Variants in IHO1 observed in about 807,000 individuals in gnomAD.
IHO1 encodes interactor of HORMAD1 1.
Under a neutral mutation model 31.0 loss-of-function variants are expected in IHO1, and 13 were observed. That is an observed-to-expected ratio of 0.42 (90% CI 0.27 to 0.67). The LOEUF is 0.67. Among genes scored for constraint, IHO1 ranks in the 30% least tolerant of loss-of-function variants. The pLI, the probability that IHO1 is intolerant of heterozygous loss-of-function variation, is 0.24. For missense variants in IHO1, 599 were observed against 687.5 expected (o/e 0.87, Z 1.44); for synonymous variants, 221 against 248.4 (o/e 0.89, Z 1.04).
At chr3:49,201,639 G>A (rs534870791) in intron 1 of IHO1, among the ~76,000 whole-genome samples, 1 of 151,868 alleles carries the variant, frequency 6.6e-6, no homozygotes, top group South Asian at 2.1e-4. Context: ...AATTGGGCTG[G>A]GTGTGGTGGC....
At chr3:49,228,277 C>T (rs979374682) in intron 2 of IHO1, 18 of 446,958 alleles carry the variant, frequency 4.0e-5, no homozygotes, top group South Asian at 6.4e-5. Context: ...TATCTCAGCC[C>T]GGAAGTACAG....
At chr3:49,191,626 G>T in the IHO1 span, 3 of 1,118,984 alleles carry the variant, frequency 2.7e-6, no homozygotes, top group East Asian at 2.3e-5. Flanking sequence ...GGCGGCTCAG[G>T]GTCCTATTCC....
chr3:49,230,341 C>T (rs116352796), intron 2 of IHO1, among the ~76,000 whole-genome samples: 2,986 of 152,226 alleles, frequency 0.02, 38 homozygotes, highest in Non-Finnish European at 0.029. Context: ...GCTATGATTC[C>T]GAAAAACTGG....
At chr3:49,223,494 A>G (rs951926423) in intron 2 of IHO1, among the ~76,000 whole-genome samples, 4 of 152,130 alleles carry the variant, frequency 2.6e-5, no homozygotes, top group Non-Finnish European at 5.9e-5. Flanking sequence ...GATTGAGACC[A>G]TCCTGGCTAA....
At chr3:49,226,797 A>G (rs1178016908) in intron 2 of IHO1, among the ~76,000 whole-genome samples, 1 of 152,190 alleles carries the variant, frequency 6.6e-6, no homozygotes, top group Non-Finnish European at 1.5e-5. Context: ...TAGGACATCT[A>G]TATACCTATC....
At chr3:49,197,763 A>C (rs2046008481), upstream of IHO1, among the ~76,000 whole-genome samples, 1 of 151,896 alleles carries the variant, frequency 6.6e-6, no homozygotes, top group African/African-American at 2.4e-5. Flanking sequence ...AATCCCAGCT[A>C]CTTGGGAGGC....
chr3:49,211,520 C>A (rs1015440197), intron 1 of IHO1, among the ~76,000 whole-genome samples: 2 of 151,254 alleles, frequency 1.3e-5, no homozygotes, highest in South Asian at 2.1e-4. Flanking sequence ...CTTGTAATCC[C>A]AGCTACTCAG....
chr3:49,236,396 T>G, intron 2 of IHO1, 152 bp from the exon 3 acceptor site: 1 of 552,136 alleles, frequency 1.8e-6, no homozygotes, highest in Non-Finnish European at 3.2e-6. Context: ...AATTTCCTTG[T>G]GTTTCATTGT....
chr3:49,256,412 A>C lies in IHO1; in HGVS notation c.915A>C (p.Ala305=). 2 of 1,614,164 alleles carry C rather than the reference A, an allele frequency of 1.2e-6. No individual in the cohort carries two copies. Among genetic ancestry groups the C allele is most frequent in the Non-Finnish European group, 1.7e-6 (2 of 1,180,038 alleles). Residue 305 remains alanine, a synonymous_variant, in exon 8 of 8, where the codon GCA becomes GCC. Transcript: ENST00000452691. The surrounding 1 kb of genome is among the most constrained non-coding windows in gnomAD (Gnocchi z 4.6). ...VLWQAQALPA[A]WNPGMGSLQP... is the part of the protein sequence containing the mutation. ...GGCAGGCCCAGGCCCTCCCTGCTGC[A>C]TGGAATCCTGGTATGGGCTCCCTAC...
upstream of IHO1, among the ~76,000 whole-genome samples, chr3:49,195,916 C>T (rs1320708248): frequency 1.3e-5 from 2 of 149,296 alleles, no homozygotes; most frequent in African/African-American, 2.5e-5. Context: ...CTGGCTAACA[C>T]AGTGAAACCC....
chr3:49,209,645 AAGGCTTGTAT>A (rs2046183305), intron 1 of IHO1, among the ~76,000 whole-genome samples: 1 of 152,176 alleles, frequency 6.6e-6, no homozygotes, highest in Admixed American at 6.5e-5. Flanking sequence ...AAAAAAAAAA[AAGGCTTGTAT>A]TTCTAATTCC....
chr3:49,235,449 C>T (rs961498060), intron 2 of IHO1, among the ~76,000 whole-genome samples: 3 of 149,872 alleles, frequency 2.0e-5, no homozygotes, highest in East Asian at 2.1e-4. Context: ...AGGATGGTCT[C>T]GATCTCCTGA....
intron 2 of IHO1, among the ~76,000 whole-genome samples, chr3:49,227,224 G>T (rs191054017): frequency 6.6e-6 from 1 of 152,094 alleles, no homozygotes; most frequent in Admixed American, 6.6e-5. Flanking sequence ...CCCTCAGATG[G>T]CCATTTTTCC....
chr3:49,202,493 TTTTGTGTG>T (rs1305308823), intron 1 of IHO1, among the ~76,000 whole-genome samples: 11 of 110,232 alleles, frequency 1.0e-4, no homozygotes, highest in African/African-American at 4.1e-4. Flanking sequence ...GCCCGGCTAA[TTTTGTGTG>T]TGTGTGTGTG....
At chr3:49,196,468 A>G (rs998166183), upstream of IHO1, among the ~76,000 whole-genome samples, 3 of 143,068 alleles carry the variant, frequency 2.1e-5, no homozygotes, top group South Asian at 2.2e-4. Flanking sequence ...ATAGGCGCCC[A>G]CCACCACGCC....
At chr3:49,230,728 G>A (rs951068397) in intron 2 of IHO1, among the ~76,000 whole-genome samples, 8 of 152,078 alleles carry the variant, frequency 5.3e-5, no homozygotes, top group East Asian at 1.9e-4. Flanking sequence ...CCTACTTGGC[G>A]ACCTTGGTAA....
upstream of IHO1, among the ~76,000 whole-genome samples, chr3:49,195,421 CA>C (rs929603378): frequency 3.9e-3 from 388 of 99,382 alleles, 5 homozygotes; most frequent in Middle Eastern, 0.02. Context: ...GACTCCATCT[CA>C]AAAAAAAAAA....
chr3:49,205,639 G>C (rs1238431506), intron 1 of IHO1, among the ~76,000 whole-genome samples: 1 of 151,654 alleles, frequency 6.6e-6, no homozygotes, highest in Non-Finnish European at 1.5e-5. Flanking sequence ...TGTTACCCAG[G>C]CTGGAGTGTG....
At chr3:49,195,811 T>C (rs575994748), upstream of IHO1, among the ~76,000 whole-genome samples, 1 of 147,300 alleles carries the variant, frequency 6.8e-6, no homozygotes, top group Non-Finnish European at 1.5e-5. Flanking sequence ...AGGATAGAAA[T>C]CACCTGGGGG....
Sources: gnomAD v4.1 joint callset for allele counts (sites outside exome capture counted in the v4.1 genomes callset) on GRCh38, gnomAD v4.1.1 for gene constraint, Gnocchi (gnomAD v3.1) non-coding constraint, MANE v1.5 for transcripts, NCBI Gene and HGNC (gene_info 2026-07-23, HGNC 2026-07-21) for gene names.